Variants in ASTN2 observed in about 807,000 individuals in gnomAD.
ASTN2 encodes astrotactin-2.
A neutral mutation model predicts 139.8 loss-of-function variants in ASTN2; 54 were observed. The observed-to-expected ratio is 0.39, with a 90% CI of 0.31 to 0.48. ASTN2 has a LOEUF of 0.48. Ranked by LOEUF, ASTN2 falls within the 20% of genes least tolerant of loss-of-function variation. The pLI, the probability that ASTN2 is intolerant of heterozygous loss-of-function variation, is 0.95. For synonymous variants in ASTN2, 756 were observed against 719.5 expected (o/e 1.05, Z -0.81); for missense variants, 1,565 against 1,725.1 (o/e 0.91, Z 1.64).
intron 1 of ASTN2, among the ~76,000 whole-genome samples, chr9:117,409,408 C>T (rs1831098442): frequency 6.6e-6 from 1 of 152,174 alleles, no homozygotes; most frequent in Non-Finnish European, 1.5e-5. Flanking sequence ...CAACGGTCTG[C>T]AAGGAAGTGG....
chr9:117,040,895 C>T (rs1838544719), intron 5 of ASTN2, among the ~76,000 whole-genome samples: 1 of 152,152 alleles, frequency 6.6e-6, no homozygotes, highest in Non-Finnish European at 1.5e-5. Flanking sequence ...ATTTCACAAG[C>T]GTTTACTGAG....
At chr9:117,191,502 T>A (rs1490279038) in intron 3 of ASTN2, among the ~76,000 whole-genome samples, 1 of 152,236 alleles carries the variant, frequency 6.6e-6, no homozygotes, top group Non-Finnish European at 1.5e-5. Context: ...ATAACTTTTA[T>A]AATTAAGAAA....
intron 12 of ASTN2, among the ~76,000 whole-genome samples, chr9:116,819,169 C>T (rs532880036): frequency 6.6e-6 from 1 of 152,144 alleles, no homozygotes; most frequent in South Asian, 2.1e-4. Context: ...ATTATTGCTG[C>T]TCCTGCTGCT....
rs1016270368 is a variant in ASTN2 at position 116,439,194 on chromosome 9, A to ATTTTTT, written c.3782+1409_3782+1414dup. 1.7e-3 allele frequency among the ~76,000 whole-genome samples: 97 copies of ATTTTTT among 56,716 alleles called. 3 individuals are homozygous for ATTTTTT. The highest frequency in any genetic ancestry group is 6.1e-3 in the African/African-American group (79 of 12,922). The allele number at this position is 56,716 out of a possible 152,430, so 37.2% of individuals were successfully genotyped here. ...GATGTTGTGTTTTCTATTCAAATAC[A>ATTTTTT]TTTTTTTTTTTTTTTTTTTTTTTTG... is the stretch of plus-strand genomic sequence containing the variant. On this transcript the variant is annotated intron_variant, in intron 22 of 22. Coordinates refer to ENST00000313400, the MANE Select transcript of ASTN2 (RefSeq NM_001365068.1).
intron 10 of ASTN2, among the ~76,000 whole-genome samples, chr9:116,884,819 C>CCCCCCCCCCCT (rs1833552333): frequency 7.9e-6 from 1 of 127,234 alleles, no homozygotes; most frequent in Non-Finnish European, 1.6e-5. Flanking sequence ...CCCCCACCCA[C>CCCCCCCCCCCT]TTTTTTTTTT....
chr9:117,084,256 C>T (rs937581260), intron 5 of ASTN2, among the ~76,000 whole-genome samples: 2 of 152,180 alleles, frequency 1.3e-5, no homozygotes, highest in African/African-American at 2.4e-5. Flanking sequence ...GGAATCCAAA[C>T]TCCCAGTTTC....
chr9:117,294,864 C>T (rs1834689364), intron 1 of ASTN2, among the ~76,000 whole-genome samples: 1 of 150,978 alleles, frequency 6.6e-6, no homozygotes, highest in African/African-American at 2.5e-5. Context: ...GCGCTCTCCT[C>T]CCAGAACCTA....
At chr9:116,536,706 T>C (rs1851646508) in intron 19 of ASTN2, among the ~76,000 whole-genome samples, 1 of 152,232 alleles carries the variant, frequency 6.6e-6, no homozygotes. Context: ...GGCCTGATCG[T>C]TCCTCTGGAA....
chr9:116,918,895 A>G (rs1268875987), intron 10 of ASTN2, among the ~76,000 whole-genome samples: 2 of 152,222 alleles, frequency 1.3e-5, no homozygotes, highest in African/African-American at 4.8e-5. Context: ...GTTTAAAAAT[A>G]TATATATTTG....
At chr9:116,690,371 C>A (rs1243285274) in intron 16 of ASTN2, among the ~76,000 whole-genome samples, 1 of 152,196 alleles carries the variant, frequency 6.6e-6, no homozygotes, top group African/African-American at 2.4e-5. Flanking sequence ...GGTTGGGATA[C>A]AAACCCAGTT....
At chr9:116,747,289 G>A (rs1001167471) in intron 13 of ASTN2, among the ~76,000 whole-genome samples, 3 of 152,182 alleles carry the variant, frequency 2.0e-5, no homozygotes, top group African/African-American at 4.8e-5. Flanking sequence ...GGTGAGGTTT[G>A]AATAATCTAA....
At chr9:117,117,766 A>G (rs1829434760) in intron 4 of ASTN2, among the ~76,000 whole-genome samples, 1 of 152,174 alleles carries the variant, frequency 6.6e-6, no homozygotes, top group South Asian at 2.1e-4. Flanking sequence ...CCCTGAGCTA[A>G]CAATCCCCAA....
chr9:116,466,678 T>C (rs1408086641), intron 20 of ASTN2, among the ~76,000 whole-genome samples: 1 of 152,176 alleles, frequency 6.6e-6, no homozygotes, highest in African/African-American at 2.4e-5. Flanking sequence ...TTTGTGCTTC[T>C]GCCCAGTGTT....
At chr9:117,188,375 G>A (rs569334039) in intron 3 of ASTN2, among the ~76,000 whole-genome samples, 1 of 152,266 alleles carries the variant, frequency 6.6e-6, no homozygotes, top group African/African-American at 2.4e-5. Flanking sequence ...TTCCGAAGTT[G>A]CCTGCGTATA....
chr9:117,366,412 C>T (rs558041235), intron 1 of ASTN2, among the ~76,000 whole-genome samples: 37 of 152,238 alleles, frequency 2.4e-4, no homozygotes, highest in Middle Eastern at 3.4e-3. Flanking sequence ...ATTGGCATCC[C>T]TGTTTTATAC....
chr9:116,904,695 C>G (rs915904625), intron 10 of ASTN2, among the ~76,000 whole-genome samples: 1 of 152,310 alleles, frequency 6.6e-6, no homozygotes, highest in East Asian at 1.9e-4. Context: ...TATTATTAAT[C>G]CACCTGTTGA....
intron 1 of ASTN2, among the ~76,000 whole-genome samples, chr9:117,398,240 C>G (rs1056726947): frequency 2.6e-5 from 4 of 152,102 alleles, no homozygotes; most frequent in East Asian, 1.9e-4. Context: ...ATAAGACGGA[C>G]AGTAAGATTC....
At chr9:116,592,802 G>A (rs1699168167) in intron 19 of ASTN2, among the ~76,000 whole-genome samples, 1 of 152,118 alleles carries the variant, frequency 6.6e-6, no homozygotes, top group African/African-American at 2.4e-5. Flanking sequence ...CCATAGATGG[G>A]AATCTCAAGA....
intron 16 of ASTN2, among the ~76,000 whole-genome samples, chr9:116,704,156 CCT>C (rs1827928714): frequency 6.6e-6 from 1 of 152,166 alleles, no homozygotes; most frequent in Non-Finnish European, 1.5e-5. Flanking sequence ...GATCACCATA[CCT>C]CTGAGCCTCA....
Sources: allele counts gnomAD v4.1 joint callset (sites outside exome capture counted in the v4.1 genomes callset), GRCh38; gene constraint gnomAD v4.1.1; transcripts MANE v1.5; gene names NCBI Gene and HGNC (gene_info 2026-07-23, HGNC 2026-07-21).